ZNF714: variants seen among roughly 807,000 people sequenced by gnomAD.
The protein encoded by ZNF714 is zinc finger protein 714.
ZNF714 carries 32 observed loss-of-function variants against 46.2 expected under a neutral mutation model. The ratio of observed to expected loss-of-function variants is 0.69; its 90% confidence interval spans 0.52 to 0.93. The LOEUF (loss-of-function observed/expected upper bound fraction) is 0.93. ZNF714 is among the 40% of genes least tolerant of loss of function. The probability of loss-of-function intolerance (pLI) is 0.00; values close to 1 mark genes in which losing one functional copy is unlikely to be tolerated. For synonymous variants in ZNF714, 199 were observed against 213.1 expected, an observed-to-expected ratio of 0.93 and a Z score of 0.58; for missense variants, 635 against 646.3, an observed-to-expected ratio of 0.98 and a Z score of 0.19.
rs8100289 is a variant in ZNF714, at chr19:21,118,408, C to T, written c.*76C>T. 416,629 of 519,378 alleles carry T rather than the reference C, an allele frequency of 0.8. 170,004 individuals are homozygous for T. The highest frequency in any genetic ancestry group is 0.87 in the Middle Eastern group (1,656 of 1,912). 32.2% of individuals were successfully genotyped at this position (519,378 alleles called of 1,614,324 possible). On this transcript the variant is annotated 3_prime_UTR_variant, in exon 5 of 5. Transcript: ENST00000456283. ...CAGAGGTTGCAGTGAGCCAAGATCG[C>T]GCCATTCTACTCCAGCCTGGGCCAC...
intron 2 of ZNF714, among the ~76,000 whole-genome samples, chr19:21,086,632 T>C (rs1968785413): frequency 6.6e-6 from 1 of 152,172 alleles, no homozygotes; most frequent in Non-Finnish European, 1.5e-5. Context: ...ACCTGTTTTA[T>C]CCGCAAGGTC....
chr19:21,114,189 A>G (rs555556925), intron 4 of ZNF714, among the ~76,000 whole-genome samples: 3 of 152,204 alleles, frequency 2.0e-5, no homozygotes, highest in East Asian at 1.9e-4. Context: ...CTGTAATCCC[A>G]GCACTTTGGG....
chr19:21,096,084 G>A (rs1382673698), intron 2 of ZNF714, among the ~76,000 whole-genome samples: 1 of 152,180 alleles, frequency 6.6e-6, no homozygotes, highest in East Asian at 1.9e-4. Flanking sequence ...GGTAGGGACA[G>A]GGCAGTGGCC....
At chr19:21,088,471 A>G (rs1968836075) in intron 2 of ZNF714, among the ~76,000 whole-genome samples, 1 of 152,192 alleles carries the variant, frequency 6.6e-6, no homozygotes, top group Non-Finnish European at 1.5e-5. Context: ...TAAAAGTCAA[A>G]GAACCAATTT....
chr19:21,085,999 A>G (rs1968770495), intron 2 of ZNF714, among the ~76,000 whole-genome samples: 2 of 152,180 alleles, frequency 1.3e-5, no homozygotes, highest in Non-Finnish European at 2.9e-5. Flanking sequence ...GGAGCAGCAA[A>G]CAAGATTAGA....
In ZNF714 at chr19:21,082,244, C is replaced by T. The variant is rs1276125139; in HGVS notation, c.-281C>T. 2.4e-6 allele frequency: 3 copies of T among 1,254,868 alleles called. No homozygotes were observed. The Admixed American group carries it at 5.7e-5, about 24-fold the overall frequency. The allele number at this position is 1,254,868 out of a possible 1,614,324, so 77.7% of individuals were successfully genotyped here. On this transcript the variant is annotated 5_prime_UTR_variant, in exon 1 of 5. Transcript: ENST00000456283. ...GGAGCTGCAGGTCTCGCCTTCACTG[C>T]CCTGTGTCCTCTGCTCGCAGAGGCC...
chr19:21,103,843 A>G (rs536101786), intron 4 of ZNF714, among the ~76,000 whole-genome samples: 1 of 152,216 alleles, frequency 6.6e-6, no homozygotes, highest in East Asian at 1.9e-4. Flanking sequence ...GAAGTGAGGC[A>G]TAATTTTGCC....
intron 2 of ZNF714, among the ~76,000 whole-genome samples, chr19:21,089,635 G>A (rs953424170): frequency 6.6e-6 from 1 of 152,196 alleles, no homozygotes; most frequent in African/African-American, 2.4e-5. Context: ...ACATGACTGA[G>A]CACTTTGCTG....
intron 4 of ZNF714, among the ~76,000 whole-genome samples, chr19:21,115,149 A>AT (rs1158513278): frequency 2.0e-5 from 3 of 150,004 alleles, no homozygotes; most frequent in African/African-American, 4.9e-5. Context: ...GGATTCATAA[A>AT]TTTTTTCTCA....
chr19:21,088,069 G>C (rs1262727837), intron 2 of ZNF714, among the ~76,000 whole-genome samples: 1 of 152,150 alleles, frequency 6.6e-6, no homozygotes, highest in Admixed American at 6.5e-5. Context: ...AGGGGGTGTG[G>C]CTAACTTGAT....
chr19:21,082,429 G>A, intron 1 of ZNF714, 81 bp downstream of exon 1: 1 of 1,346,988 alleles, frequency 7.4e-7, no homozygotes, highest in South Asian at 1.2e-5. Context: ...GTGGGACTTA[G>A]GCCTCCCCGC....
intron 2 of ZNF714, 105 bp from the exon 3 acceptor site, chr19:21,098,080 T>TCAAC: frequency 4.1e-6 from 6 of 1,458,196 alleles, no homozygotes; most frequent in Non-Finnish European, 5.5e-6. Flanking sequence ...TTCTTATAAG[T>TCAAC]CAACCAATTC....
At chr19:21,097,990 G>A (rs1969083994) in intron 2 of ZNF714, among the ~76,000 whole-genome samples, 195 bp from the exon 3 acceptor site, 1 of 152,128 alleles carries the variant, frequency 6.6e-6, no homozygotes, top group African/African-American at 2.4e-5. Flanking sequence ...TGGTGTTGTG[G>A]ATCTTATGCC....
At chr19:21,113,422 G>A (rs1221121824) in intron 4 of ZNF714, among the ~76,000 whole-genome samples, 1 of 151,768 alleles carries the variant, frequency 6.6e-6, no homozygotes, top group Non-Finnish European at 1.5e-5. Context: ...CTGGGGTGCA[G>A]TGGCATGTTA....
chr19:21,124,159 A>G lies in ZNF714; in HGVS notation c.*5827A>G, dbSNP rs1969755045. ...TGCTGGGTCCAAACCATGCTGTTAA[A>G]TATCAGAGTTCCTATGGTTATGACT... On this transcript the variant is annotated 3_prime_UTR_variant, in exon 5 of 5. Transcript: ENST00000456283. 2.6e-5 allele frequency: 4 copies of G among 152,240 alleles called. No homozygotes were observed. The South Asian group carries it at 8.3e-4, about 31-fold the overall frequency. 9.4% of individuals were successfully genotyped at this position (152,240 alleles called of 1,614,324 possible).
At chr19:21,094,549 G>A (rs1333810481) in intron 2 of ZNF714, among the ~76,000 whole-genome samples, 2 of 152,002 alleles carry the variant, frequency 1.3e-5, no homozygotes, top group Non-Finnish European at 2.9e-5. Context: ...TGGTTTTTGA[G>A]ACAGTCTCAC....
At chr19:21,099,871 G>A (rs144930575) in intron 4 of ZNF714, among the ~76,000 whole-genome samples, 1 of 152,070 alleles carries the variant, frequency 6.6e-6, no homozygotes, top group Non-Finnish European at 1.5e-5. Context: ...TTGTGTTGTT[G>A]TTGAGACAGA....
intron 2 of ZNF714, chr19:21,091,277 G>A (rs1208856136): frequency 6.6e-6 from 1 of 152,170 alleles, no homozygotes; most frequent in Non-Finnish European, 1.5e-5. Context: ...TAGCAGAGAG[G>A]ATGACCATAG....
At chr19:21,086,745 A>G (rs1456429841) in intron 2 of ZNF714, among the ~76,000 whole-genome samples, 1 of 152,186 alleles carries the variant, frequency 6.6e-6, no homozygotes, top group African/African-American at 2.4e-5. Context: ...TATTTTATCC[A>G]GCCCCTATTC....
Sources: gnomAD v4.1 joint callset for allele counts (sites outside exome capture counted in the v4.1 genomes callset) on GRCh38, gnomAD v4.1.1 for gene constraint, MANE v1.5 for transcripts, NCBI Gene and HGNC (gene_info 2026-07-23, HGNC 2026-07-21) for gene names.